ZNF236: variants seen among roughly 807,000 people sequenced by gnomAD.
The protein encoded by ZNF236 is regulated by glucose.
Under a neutral mutation model 191.2 loss-of-function variants are expected in ZNF236, and 50 were observed. The ratio of observed to expected loss-of-function variants is 0.26; its 90% CI spans 0.21 to 0.33. The LOEUF is 0.33. Ranked by LOEUF, ZNF236 falls within the 10% of genes least tolerant of loss-of-function variation. The pLI is 1.00. For missense variants in ZNF236, 1,754 were observed against 2,374.5 expected (o/e 0.74, Z 5.43); for synonymous variants, 907 against 928.8 (o/e 0.98, Z 0.43).
chr18:76,948,110 C>T (rs1236816847), intron 27 of ZNF236, among the ~76,000 whole-genome samples: 2 of 151,958 alleles, frequency 1.3e-5, no homozygotes, highest in Non-Finnish European at 2.9e-5. Context: ...TGTCATTTGG[C>T]TAGTCTTTTT....
chr18:76,970,490 T>G lies in ZNF236; in HGVS notation c.*2151T>G, dbSNP rs1280815793. ...TTACTTCCTAATTATAAAAGCTGCTTTTTTGCAGAACATTCCTTGAAAATA... is the reference window on the plus strand; with the variant it reads ...TTACTTCCTAATTATAAAAGCTGCTGTTTTGCAGAACATTCCTTGAAAATA... On this transcript the variant is annotated 3_prime_UTR_variant, in exon 31 of 31. Coordinates refer to ENST00000320610, the MANE Select transcript of ZNF236 (RefSeq NM_001306089.2). 3 of 152,662 alleles carry G rather than the reference T, an allele frequency of 2.0e-5. No homozygotes were observed. Among genetic ancestry groups the G allele is most frequent in the Non-Finnish European group, 4.4e-5 (3 of 68,042 alleles). 9.5% of individuals were successfully genotyped at this position (152,662 alleles called of 1,614,324 possible).
intron 30 of ZNF236, among the ~76,000 whole-genome samples, chr18:76,963,496 T>G (rs1968708543): frequency 6.6e-6 from 1 of 152,238 alleles, no homozygotes. Flanking sequence ...GTTAAGGATT[T>G]TAGCATCTAT....
In ZNF236 at chr18:76,927,084, C is replaced by G; in HGVS notation, c.4075C>G (p.Leu1359Val). The part of the protein sequence containing the change: ...VSLTDGSLAT[L>V]EGIQLQLAAN... ...TCTGACAGATGGGAGCCTGGCTACCCTAGAAGGCATCCAGTTACAGTTGGC... is the reference window on the plus strand; with the variant it reads ...TCTGACAGATGGGAGCCTGGCTACCGTAGAAGGCATCCAGTTACAGTTGGC... Residue 1359 changes from leucine (L) to valine (V), a missense_variant, in exon 23 of 31, where the codon CTA (leucine) becomes GTA (valine). By Grantham distance (32) the Leu-to-Val change is conservative. This residue lies in a region of ZNF236 where 606 missense variants were observed against 761.5 expected (regional missense o/e 0.80). Transcript: ENST00000320610. The surrounding 1 kb of genome is among the most constrained non-coding windows in gnomAD (Gnocchi z 5.4). 6.2e-7 allele frequency: 1 copy of G among 1,614,002 alleles called. No individual in the cohort carries two copies. The highest frequency in any genetic ancestry group is 8.5e-7 in the Non-Finnish European group (1 of 1,179,968).
At chr18:76,942,205 A>G (rs1968148252) in intron 26 of ZNF236, among the ~76,000 whole-genome samples, 1 of 152,208 alleles carries the variant, frequency 6.6e-6, no homozygotes, top group African/African-American at 2.4e-5. Context: ...TTAATGAGGA[A>G]ACGGACTAAT....
chr18:76,829,049 C>T (rs1975089788), intron 1 of ZNF236, among the ~76,000 whole-genome samples: 1 of 152,192 alleles, frequency 6.6e-6, no homozygotes, highest in South Asian at 2.1e-4. Flanking sequence ...GGGTTTAAAA[C>T]CTTGGTCTTT....
intron 15 of ZNF236, among the ~76,000 whole-genome samples, chr18:76,910,434 C>CGTG (rs1225327801): frequency 6.6e-6 from 1 of 152,122 alleles, no homozygotes; most frequent in Non-Finnish European, 1.5e-5. Context: ...ATTGGAACTT[C>CGTG]GTGGTGGCTG....
chr18:76,836,800 A>T (rs961259851), intron 1 of ZNF236, among the ~76,000 whole-genome samples: 1 of 151,784 alleles, frequency 6.6e-6, no homozygotes, highest in South Asian at 2.1e-4. Flanking sequence ...GATAGTCTCG[A>T]TCTCCTGACC....
intron 13 of ZNF236, among the ~76,000 whole-genome samples, chr18:76,907,829 G>A (rs890237164): frequency 4.6e-5 from 7 of 151,788 alleles, no homozygotes; most frequent in African/African-American, 1.7e-4. Context: ...AGCAACATTT[G>A]GATCGTTGGT....
intron 6 of ZNF236, among the ~76,000 whole-genome samples, chr18:76,877,371 G>A (rs1568208457): frequency 6.6e-6 from 1 of 152,030 alleles, no homozygotes; most frequent in African/African-American, 2.4e-5. Context: ...AGCTGGGCAC[G>A]ATGGCAGGCG....
At chr18:76,951,769 C>T (rs1175190715) in intron 27 of ZNF236, among the ~76,000 whole-genome samples, 6 of 152,190 alleles carry the variant, frequency 3.9e-5, no homozygotes, top group South Asian at 2.1e-4. Context: ...CAGCTCTCTG[C>T]GTGCCTTCCT....
chr18:76,962,552 T>C (rs1256700110), intron 30 of ZNF236, among the ~76,000 whole-genome samples: 1 of 152,236 alleles, frequency 6.6e-6, no homozygotes, highest in Non-Finnish European at 1.5e-5. Flanking sequence ...TCTTTTTTGA[T>C]TCCATATCAA....
At chr18:76,952,973 C>G (rs1171755384) in intron 27 of ZNF236, among the ~76,000 whole-genome samples, 1 of 152,186 alleles carries the variant, frequency 6.6e-6, no homozygotes, top group East Asian at 1.9e-4. Flanking sequence ...GTTGGAGCAG[C>G]TACTACGGCC....
At chr18:76,835,484 A>G (rs1285695710) in intron 1 of ZNF236, among the ~76,000 whole-genome samples, 1 of 151,328 alleles carries the variant, frequency 6.6e-6, no homozygotes, top group Non-Finnish European at 1.5e-5. Flanking sequence ...TTAACCATAC[A>G]AATTGAAAGA....
intron 1 of ZNF236, among the ~76,000 whole-genome samples, chr18:76,826,503 A>G (rs17055127): frequency 0.061 from 9,220 of 150,998 alleles, 509 homozygotes; most frequent in African/African-American, 0.15. Context: ...CAAAGCATGC[A>G]TTTTAGGCCT....
In ZNF236 at chr18:76,968,785, G is replaced by GA. The variant is rs915205140; in HGVS notation, c.*454dup. The stretch of plus-strand genomic sequence containing the variant: ...GCGTAAGATTGAGGCATGAAGTTCA[G>GA]AAAAAAAAGTGTTACAACACACAGG... On this transcript the variant is annotated 3_prime_UTR_variant, in exon 31 of 31. Coordinates refer to ENST00000320610, the MANE Select transcript of ZNF236 (RefSeq NM_001306089.2). 7 of 988,618 alleles carry GA rather than the reference G, an allele frequency of 7.1e-6. No homozygotes were observed. Among genetic ancestry groups the GA allele is most frequent in the African/African-American group, 3.5e-5 (2 of 57,160 alleles). The allele number at this position is 988,618 out of a possible 1,614,324, so 61.2% of individuals were successfully genotyped here.
intron 30 of ZNF236, 149 bp from the exon 31 acceptor site, chr18:76,968,066 C>G (rs1968827605): frequency 9.7e-7 from 1 of 1,028,232 alleles, no homozygotes; most frequent in Non-Finnish European, 1.4e-6. Context: ...TCACCTGCAG[C>G]TCAAATTACT....
intron 1 of ZNF236, among the ~76,000 whole-genome samples, chr18:76,831,821 G>A (rs1975175201): frequency 6.6e-6 from 1 of 152,030 alleles, no homozygotes; most frequent in South Asian, 2.1e-4. Flanking sequence ...TCTTCTCATA[G>A]GCTCATTTGC....
At position 76,868,863 on chromosome 18, in the gene ZNF236, G is replaced by C; in HGVS notation, c.542G>C (p.Arg181Thr). The C allele has an allele frequency of 6.3e-7, 1 of 1,591,932 alleles. No individual in the cohort carries two copies. Residue 181 changes from arginine to threonine, a missense_variant and splice_region_variant, in exon 4 of 31, where the codon AGG becomes ACG. This residue lies in a region of ZNF236 where 336 missense variants were observed against 495.1 expected (regional missense o/e 0.68). Coordinates refer to ENST00000320610, the MANE Select transcript of ZNF236 (RefSeq NM_001306089.2). ...KEHMKTHYKI[R>T]VSSTRSYNRN... The stretch of plus-strand genomic sequence containing the variant: ...CACATGAAGACTCATTACAAAATTA[G>C]GTATGAGTCATTACATGGGCTTGGT...
intron 20 of ZNF236, among the ~76,000 whole-genome samples, chr18:76,920,376 C>G (rs1050351107): frequency 2.0e-5 from 3 of 151,818 alleles, no homozygotes; most frequent in Non-Finnish European, 4.4e-5. Context: ...CATGGAGAAA[C>G]CTGGTCTCTA....
Sources: gnomAD v4.1 joint callset for allele counts (sites outside exome capture counted in the v4.1 genomes callset) on GRCh38, gnomAD v4.1.1 for gene constraint, gnomAD v4.1.1 regional missense constraint, Gnocchi (gnomAD v3.1) non-coding constraint, MANE v1.5 for transcripts, NCBI Gene and HGNC (gene_info 2026-07-23, HGNC 2026-07-21) for gene names.